The following PTPRM variants were observed in gnomAD, a reference collection of about 807,000 sequenced individuals.
The protein encoded by PTPRM is receptor-type tyrosine-protein phosphatase mu.
In PTPRM, 47 loss-of-function variants were observed where a neutral mutation model predicts 186.7. That is an observed-to-expected ratio of 0.25 (90% CI 0.20 to 0.32). The LOEUF is 0.32. PTPRM is among the 10% of genes least tolerant of loss of function. PTPRM has a pLI of 1.00. For missense variants in PTPRM, 1,494 were observed against 1,865.0 expected (o/e 0.80, Z 3.66); for synonymous variants, 668 against 674.9 (o/e 0.99, Z 0.16).
intron 1 of PTPRM, among the ~76,000 whole-genome samples, chr18:7,739,539 G>A (rs567068510): frequency 1.3e-5 from 2 of 152,268 alleles, no homozygotes; most frequent in South Asian, 2.1e-4. Context: ...CAAAAACTGC[G>A]ATTACTTTTG....
chr18:7,630,660 C>G (rs1266842586), intron 1 of PTPRM, among the ~76,000 whole-genome samples: 1 of 152,084 alleles, frequency 6.6e-6, no homozygotes, highest in Non-Finnish European at 1.5e-5. Context: ...TTGAGTAATG[C>G]TTTTAAAGTT....
At chr18:7,820,972 C>T (rs546799505) in intron 2 of PTPRM, among the ~76,000 whole-genome samples, 4 of 152,126 alleles carry the variant, frequency 2.6e-5, no homozygotes, top group African/African-American at 9.7e-5. Flanking sequence ...TCAGCTGCCC[C>T]CCAAGGACTG....
chr18:7,993,561 G>A (rs965147038), intron 7 of PTPRM, among the ~76,000 whole-genome samples: 6 of 152,040 alleles, frequency 3.9e-5, no homozygotes, highest in African/African-American at 7.2e-5. Flanking sequence ...GGAGAAAATC[G>A]AGTGATATAT....
rs2052584290 is a variant in PTPRM, at chr18:7,947,111, A to G, written c.664-2070A>G. 21 of 425,210 alleles carry G rather than the reference A, an allele frequency of 4.9e-5. 1 individual carries two copies. The highest frequency in any genetic ancestry group is 3.6e-4 in the South Asian group (21 of 58,562). The allele number at this position is 425,210 out of a possible 1,614,324, so 26.3% of individuals were successfully genotyped here. ...CATTGTTCCTGCACTCTTAAGTCAT[A>G]TTCCTCAGTCTCAGGTTTATCAGTA... On this transcript the variant is annotated intron_variant, in intron 5 of 32. Coordinates refer to ENST00000580170, the MANE Select transcript of PTPRM (RefSeq NM_001105244.2).
intron 10 of PTPRM, among the ~76,000 whole-genome samples, chr18:8,086,085 ATT>A (rs1413317326): frequency 2.0e-5 from 3 of 152,140 alleles, no homozygotes; most frequent in Admixed American, 2.0e-4. Flanking sequence ...GGAAGTGGCT[ATT>A]GTTTTAGCAG....
chr18:7,612,890 A>T (rs1024926901), intron 1 of PTPRM, among the ~76,000 whole-genome samples: 3 of 152,224 alleles, frequency 2.0e-5, no homozygotes, highest in African/African-American at 7.2e-5. Flanking sequence ...CCCATCGAGT[A>T]GAAGGGAGGG....
chr18:7,794,704 G>T (rs2145252599), intron 2 of PTPRM, among the ~76,000 whole-genome samples: 1 of 152,282 alleles, frequency 6.6e-6, no homozygotes. Context: ...TTTAGATTGT[G>T]AGTAGCGTAA....
intron 2 of PTPRM, among the ~76,000 whole-genome samples, chr18:7,858,709 T>G (rs2047206407): frequency 6.6e-6 from 1 of 152,206 alleles, no homozygotes; most frequent in South Asian, 2.1e-4. Flanking sequence ...AGAGAAGTCT[T>G]GAAATAATAA....
chr18:7,678,746 C>T (rs530566751), intron 1 of PTPRM, among the ~76,000 whole-genome samples: 2 of 152,170 alleles, frequency 1.3e-5, no homozygotes, highest in African/African-American at 4.8e-5. Flanking sequence ...TGATCTCCTT[C>T]GTTACCGTTA....
At chr18:7,781,405 A>G (rs901787433) in intron 2 of PTPRM, among the ~76,000 whole-genome samples, 25 of 152,238 alleles carry the variant, frequency 1.6e-4, no homozygotes, top group African/African-American at 5.5e-4. Context: ...TTTAAGTTGT[A>G]AAAAATTAAT....
At chr18:7,790,419 A>C (rs976262929) in intron 2 of PTPRM, among the ~76,000 whole-genome samples, 5 of 152,192 alleles carry the variant, frequency 3.3e-5, no homozygotes, top group African/African-American at 1.2e-4. Context: ...TTTTTCAGCC[A>C]GCAGGGTAAA....
At chr18:8,164,454 T>C (rs2093285839) in intron 14 of PTPRM, among the ~76,000 whole-genome samples, 1 of 152,224 alleles carries the variant, frequency 6.6e-6, no homozygotes, top group Admixed American at 6.5e-5. Flanking sequence ...CCAAGTGTCC[T>C]TTGACAGAAG....
At chr18:7,711,778 C>G (rs1000499440) in intron 1 of PTPRM, among the ~76,000 whole-genome samples, 1 of 152,094 alleles carries the variant, frequency 6.6e-6, no homozygotes, top group Non-Finnish European at 1.5e-5. Flanking sequence ...AGATTGCCTC[C>G]CTAAATTCCT....
chr18:7,832,325 G>T (rs1248157976), intron 2 of PTPRM, among the ~76,000 whole-genome samples: 1 of 152,140 alleles, frequency 6.6e-6, no homozygotes, highest in Non-Finnish European at 1.5e-5. Context: ...CGTTTTAACT[G>T]GGGCGAGATG....
At position 7,568,003 on chromosome 18, in the gene PTPRM, G is replaced by T. The variant is rs1353549925; in HGVS notation, c.73+112G>T. On this transcript the variant is annotated intron_variant, in intron 1 of 32. Coordinates refer to ENST00000580170, the MANE Select transcript of PTPRM (RefSeq NM_001105244.2). This position sits in a 1 kb window ranked among gnomAD's most constrained non-coding sequence, Gnocchi z 5.1. Reference sequence around the variant, plus strand: ...CTAAGGCTGGCGTCGGGGCCGGGCGGGGGGCGCGGCGGGCCGGACACCGCT... The same window carrying T: ...CTAAGGCTGGCGTCGGGGCCGGGCGTGGGGCGCGGCGGGCCGGACACCGCT... 3 of 1,069,722 alleles carry T rather than the reference G, an allele frequency of 2.8e-6. No homozygotes were observed. Among genetic ancestry groups the T allele is most frequent in the East Asian group, 3.4e-5 (1 of 29,502 alleles). The allele number at this position is 1,069,722 out of a possible 1,614,324, so 66.3% of individuals were successfully genotyped here.
chr18:8,089,426 A>G (rs2090599309), intron 11 of PTPRM, among the ~76,000 whole-genome samples: 1 of 152,196 alleles, frequency 6.6e-6, no homozygotes, highest in Non-Finnish European at 1.5e-5. Flanking sequence ...ATAGCTAAGC[A>G]ATTATAAAGT....
intron 7 of PTPRM, among the ~76,000 whole-genome samples, chr18:8,058,211 T>C (rs1226684738): frequency 2.2e-5 from 2 of 91,494 alleles, no homozygotes; most frequent in East Asian, 3.4e-4. Context: ...CCAGTGATGA[T>C]GAGCATTTTT....
At chr18:8,044,342 T>C (rs1369755437) in intron 7 of PTPRM, among the ~76,000 whole-genome samples, 6 of 152,218 alleles carry the variant, frequency 3.9e-5, no homozygotes, top group Non-Finnish European at 1.5e-5. Flanking sequence ...ACACAAATGC[T>C]CTTTTCTGCA....
intron 2 of PTPRM, among the ~76,000 whole-genome samples, chr18:7,794,894 G>A (rs888628637): frequency 3.9e-5 from 6 of 152,160 alleles, no homozygotes; most frequent in African/African-American, 1.4e-4. Context: ...GATAAATCAG[G>A]TATGGAGTGG....
Sources: allele counts gnomAD v4.1 joint callset (sites outside exome capture counted in the v4.1 genomes callset), GRCh38; gene constraint gnomAD v4.1.1; non-coding constraint Gnocchi (gnomAD v3.1); transcripts MANE v1.5; gene names NCBI Gene and HGNC (gene_info 2026-07-23, HGNC 2026-07-21).